The following CSMD1 variants were observed in gnomAD, a reference collection of about 807,000 sequenced individuals.
The protein encoded by CSMD1 is CUB and sushi domain-containing protein 1.
CSMD1 carries 213 observed loss-of-function variants against 417.5 expected under a neutral mutation model. The ratio of observed to expected loss-of-function variants is 0.51; its 90% CI spans 0.46 to 0.57. The LOEUF (loss-of-function observed/expected upper bound fraction) is 0.57. CSMD1 is among the 20% of genes least tolerant of loss of function. The pLI is 0.00. For synonymous variants in CSMD1, 2,862 were observed against 1,736.8 expected, an observed-to-expected ratio of 1.65 and a Z score of -16.11; for missense variants, 6,923 against 4,529.7, an observed-to-expected ratio of 1.53 and a Z score of -15.17.
chr8:4,394,330 A>G (rs1804061020), intron 3 of CSMD1, among the ~76,000 whole-genome samples: 1 of 152,188 alleles, frequency 6.6e-6, no homozygotes, highest in Non-Finnish European at 1.5e-5. Context: ...TTTAATGGAG[A>G]ATGTAGTTAT....
intron 3 of CSMD1, among the ~76,000 whole-genome samples, chr8:4,285,919 C>T (rs1044264824): frequency 2.6e-5 from 4 of 152,120 alleles, no homozygotes; most frequent in African/African-American, 9.7e-5. Flanking sequence ...ATACCATCTG[C>T]ACAAACCTTT....
intron 1 of CSMD1, among the ~76,000 whole-genome samples, chr8:4,950,099 C>T (rs182435583): frequency 8.9e-4 from 116 of 129,744 alleles, no homozygotes; most frequent in African/African-American, 3.1e-3. Flanking sequence ...ATTTATAAAA[C>T]ATAGAAATGT....
chr8:4,223,099 C>T (rs538595160), intron 3 of CSMD1, among the ~76,000 whole-genome samples: 4 of 152,050 alleles, frequency 2.6e-5, no homozygotes, highest in Admixed American at 2.0e-4. Context: ...CCGCCCTGCC[C>T]TGAGCATCTG....
At chr8:3,935,340 T>C (rs1017622839) in intron 5 of CSMD1, among the ~76,000 whole-genome samples, 3 of 152,222 alleles carry the variant, frequency 2.0e-5, no homozygotes, top group Non-Finnish European at 4.4e-5. Flanking sequence ...GATACTTGGT[T>C]GTTTCACTTA....
At chr8:3,482,229 C>CAG (rs1267217924) in intron 11 of CSMD1, among the ~76,000 whole-genome samples, 2 of 151,914 alleles carry the variant, frequency 1.3e-5, no homozygotes, top group African/African-American at 2.4e-5. Context: ...ACTGAAATAT[C>CAG]AGAGAGAGGC....
At chr8:4,200,787 G>C (rs1228615214) in intron 3 of CSMD1, among the ~76,000 whole-genome samples, 2 of 152,226 alleles carry the variant, frequency 1.3e-5, no homozygotes, top group East Asian at 1.9e-4. Context: ...TGTTAATGGA[G>C]ACGGAGGCTT....
chr8:4,820,411 A>T (rs1260964772), intron 1 of CSMD1, among the ~76,000 whole-genome samples: 2 of 152,152 alleles, frequency 1.3e-5, no homozygotes, highest in African/African-American at 4.8e-5. Flanking sequence ...GGCAATTAAA[A>T]TATACACGAG....
At chr8:4,706,333 C>A (rs985564043) in intron 1 of CSMD1, among the ~76,000 whole-genome samples, 1 of 152,054 alleles carries the variant, frequency 6.6e-6, no homozygotes, top group Non-Finnish European at 1.5e-5. Flanking sequence ...AAATACTTTT[C>A]CACATAACCC....
intron 23 of CSMD1, among the ~76,000 whole-genome samples, chr8:3,312,988 T>C (rs1232655688): frequency 1.3e-5 from 2 of 152,232 alleles, no homozygotes; most frequent in Non-Finnish European, 2.9e-5. Context: ...CCTAAAAATG[T>C]CAACACTGTT....
chr8:4,563,187 G>C (rs1050925358), intron 2 of CSMD1, among the ~76,000 whole-genome samples: 1 of 152,226 alleles, frequency 6.6e-6, no homozygotes, highest in Non-Finnish European at 1.5e-5. Flanking sequence ...GGATCACGAG[G>C]TCAGGAGATT....
At chr8:3,671,022 G>C (rs1798996001) in intron 7 of CSMD1, among the ~76,000 whole-genome samples, 1 of 79,054 alleles carries the variant, frequency 1.3e-5, no homozygotes, top group Non-Finnish European at 2.6e-5. Flanking sequence ...TATGTATATG[G>C]GATATATGCA....
At chr8:3,636,421 G>A (rs1797049649) in intron 7 of CSMD1, among the ~76,000 whole-genome samples, 1 of 152,020 alleles carries the variant, frequency 6.6e-6, no homozygotes, top group Non-Finnish European at 1.5e-5. Flanking sequence ...CAGGTGATCC[G>A]CCCGCCTCAG....
At chr8:3,108,358 A>T (rs1329418587) in intron 44 of CSMD1, among the ~76,000 whole-genome samples, 2 of 152,240 alleles carry the variant, frequency 1.3e-5, no homozygotes, top group Admixed American at 6.5e-5. Context: ...AATGGTCTTC[A>T]TCTTAGAGTT....
chr8:4,370,115 G>C (rs1469229541), intron 3 of CSMD1, among the ~76,000 whole-genome samples: 3 of 151,752 alleles, frequency 2.0e-5, no homozygotes, highest in Admixed American at 1.3e-4. Context: ...ATGCCTTTTA[G>C]ATAGTCTGGT....
At chr8:3,303,241 G>C (rs530770337) in intron 25 of CSMD1, among the ~76,000 whole-genome samples, 2 of 151,406 alleles carry the variant, frequency 1.3e-5, no homozygotes, top group African/African-American at 4.8e-5. Flanking sequence ...CATGGAGACT[G>C]GGGATAAATG....
At chr8:4,851,988 T>A (rs995819829) in intron 1 of CSMD1, among the ~76,000 whole-genome samples, 1 of 152,188 alleles carries the variant, frequency 6.6e-6, no homozygotes, top group African/African-American at 2.4e-5. Context: ...ATAGATTTAA[T>A]CTCTCTCTGG....
At chr8:2,997,370 A>G (rs149170344) in intron 54 of CSMD1, among the ~76,000 whole-genome samples, 3 of 152,340 alleles carry the variant, frequency 2.0e-5, no homozygotes, top group South Asian at 2.1e-4. Context: ...GAGCCCTAGG[A>G]TAAGAGAGGT....
chr8:4,983,022 C>T (rs1810982952), intron 1 of CSMD1, among the ~76,000 whole-genome samples: 1 of 152,112 alleles, frequency 6.6e-6, no homozygotes. Flanking sequence ...GGCATATCTG[C>T]TGAACAAGCT....
chr8:4,075,656 T>G (rs976960504), intron 3 of CSMD1, among the ~76,000 whole-genome samples: 1 of 152,192 alleles, frequency 6.6e-6, no homozygotes, highest in African/African-American at 2.4e-5. Flanking sequence ...GAAATTGTCT[T>G]GATTTGTGAG....
Sources: gnomAD v4.1 joint callset for allele counts (sites outside exome capture counted in the v4.1 genomes callset) on GRCh38, gnomAD v4.1.1 for gene constraint, MANE v1.5 for transcripts, NCBI Gene and HGNC (gene_info 2026-07-23, HGNC 2026-07-21) for gene names.